The following SLC1A1 variants were observed in gnomAD, a reference collection of about 807,000 sequenced individuals.
SLC1A1 encodes solute carrier family 1 member 1.
In SLC1A1, 43 loss-of-function variants were observed where a neutral mutation model predicts 53.3. That is an observed-to-expected ratio of 0.81 (90% CI 0.63 to 1.04). The LOEUF (loss-of-function observed/expected upper bound fraction) is 1.04, where lower values mean the gene tolerates loss of function less well. SLC1A1 is among the 50% of genes least tolerant of loss of function. The pLI is 0.00. For missense variants in SLC1A1, 748 were observed against 664.9 expected, an observed-to-expected ratio of 1.12 and a Z score of -1.37; for synonymous variants, 307 against 243.2, an observed-to-expected ratio of 1.26 and a Z score of -2.44.
At chr9:4,536,329 A>G (rs1816670971) in intron 1 of SLC1A1, among the ~76,000 whole-genome samples, 1 of 142,318 alleles carries the variant, frequency 7.0e-6, no homozygotes, top group African/African-American at 2.6e-5. Flanking sequence ...ATATACAATG[A>G]ACTCAAACAA....
intron 1 of SLC1A1, among the ~76,000 whole-genome samples, chr9:4,504,922 G>A (rs1327508666): frequency 3.9e-5 from 6 of 152,046 alleles, no homozygotes; most frequent in Non-Finnish European, 8.8e-5. Flanking sequence ...ACCAAAACAA[G>A]TGGTAAATAA....
At chr9:4,537,588 T>TAAA (rs1554679405) in intron 1 of SLC1A1, among the ~76,000 whole-genome samples, 1 of 22,824 alleles carries the variant, frequency 4.4e-5, no homozygotes, top group Non-Finnish European at 1.0e-4. Context: ...TAAAATAAAA[T>TAAA]AAAATAAAAT....
At chr9:4,545,589 C>T (rs182989336) in intron 2 of SLC1A1, among the ~76,000 whole-genome samples, 72 of 152,340 alleles carry the variant, frequency 4.7e-4, no homozygotes, top group African/African-American at 1.7e-3. Flanking sequence ...TACCCACTTT[C>T]TACTCAAAGC....
intron 1 of SLC1A1, among the ~76,000 whole-genome samples, chr9:4,542,263 T>C (rs10815014): frequency 0.086 from 13,124 of 152,162 alleles, 732 homozygotes; most frequent in African/African-American, 0.16. Flanking sequence ...ACAAGCTTGA[T>C]AGAAAGTTGT....
chr9:4,566,140 A>G (rs1300346376), intron 5 of SLC1A1, 51 bp downstream of exon 5: 1 of 1,505,960 alleles, frequency 6.6e-7, no homozygotes, highest in South Asian at 1.1e-5. Flanking sequence ...CCCATTATCA[A>G]TTAAAAATGT....
At chr9:4,580,214 G>C (rs1279485087) in intron 10 of SLC1A1, among the ~76,000 whole-genome samples, 3 of 151,306 alleles carry the variant, frequency 2.0e-5, no homozygotes, top group Non-Finnish European at 2.9e-5. Context: ...CTAGGCAACA[G>C]AGTGAGATTC....
chr9:4,553,373 T>TG (rs1818101098), intron 2 of SLC1A1: 1 of 150,278 alleles, frequency 6.7e-6, no homozygotes, highest in Non-Finnish European at 1.4e-5. Context: ...TCTTTTTTTT[T>TG]TTTTTTTTTT....
Position 4,566,056 on chromosome 9 carries a change from C to T in SLC1A1, c.450C>T (p.Phe150=), listed in dbSNP as rs1819457008. ...TTTATGTCTCCAACAGGAATATGTT[C>T]CCTGAGAATCTTGTCCAGGCCTGTT... The part of the protein sequence containing the change: ...DAMLDLIRNM[F]PENLVQACFQ... Residue 150 remains phenylalanine (F), a synonymous_variant, in exon 5 of 12, where the codon TTC becomes TTT. Transcript: ENST00000262352. 7.4e-6 allele frequency: 12 copies of T among 1,613,072 alleles called. No individual in the cohort carries two copies. The highest frequency in any genetic ancestry group is 1.0e-5 in the Non-Finnish European group (12 of 1,179,108).
intron 3 of SLC1A1, among the ~76,000 whole-genome samples, chr9:4,562,496 T>C (rs1171665897): frequency 6.6e-6 from 1 of 152,232 alleles, no homozygotes; most frequent in Non-Finnish European, 1.5e-5. Flanking sequence ...TAACAGCTAA[T>C]AGATCCTTGT....
intron 1 of SLC1A1, among the ~76,000 whole-genome samples, chr9:4,491,797 C>T (rs1177921053): frequency 6.6e-6 from 1 of 152,232 alleles, no homozygotes; most frequent in Non-Finnish European, 1.5e-5. Flanking sequence ...GAAACTGCAG[C>T]TGTGTTTGCT....
At chr9:4,530,273 G>A (rs1816418005) in intron 1 of SLC1A1, among the ~76,000 whole-genome samples, 1 of 152,136 alleles carries the variant, frequency 6.6e-6, no homozygotes, top group African/African-American at 2.4e-5. Context: ...TGTGGATAAA[G>A]TCTGGATAAC....
intron 1 of SLC1A1, among the ~76,000 whole-genome samples, chr9:4,525,314 A>C (rs570575947): frequency 1.3e-5 from 2 of 152,332 alleles, no homozygotes; most frequent in Admixed American, 6.5e-5. Context: ...CCCTCAGTGC[A>C]TCATCTAAAT....
chr9:4,496,016 T>G (rs1820402722), intron 1 of SLC1A1, among the ~76,000 whole-genome samples: 1 of 151,912 alleles, frequency 6.6e-6, no homozygotes, highest in South Asian at 2.1e-4. Flanking sequence ...AGGAGACAAA[T>G]GTGGAGTGGA....
intron 1 of SLC1A1, among the ~76,000 whole-genome samples, chr9:4,498,307 T>A (rs558798353): frequency 6.6e-6 from 1 of 152,328 alleles, no homozygotes; most frequent in East Asian, 1.9e-4. Context: ...ATTACCATGG[T>A]AATATGTTCT....
At chr9:4,491,794 C>T (rs1458199443) in intron 1 of SLC1A1, among the ~76,000 whole-genome samples, 2 of 152,224 alleles carry the variant, frequency 1.3e-5, no homozygotes, top group Non-Finnish European at 2.9e-5. Flanking sequence ...TTGGAAACTG[C>T]AGCTGTGTTT....
chr9:4,574,374 G>A (rs568780410), intron 8 of SLC1A1, among the ~76,000 whole-genome samples: 3 of 152,292 alleles, frequency 2.0e-5, no homozygotes, highest in South Asian at 4.1e-4. Flanking sequence ...AGCAAGAATA[G>A]CCTCCATGTA....
At chr9:4,544,848 C>G in intron 2 of SLC1A1, 141 bp downstream of exon 2, 1 of 761,954 alleles carries the variant, frequency 1.3e-6, no homozygotes, top group Non-Finnish European at 2.2e-6. Flanking sequence ...TCAGGAAACT[C>G]ACAATCATGG....
chr9:4,505,166 C>T (rs1366642671), intron 1 of SLC1A1, among the ~76,000 whole-genome samples: 1 of 151,292 alleles, frequency 6.6e-6, no homozygotes, highest in African/African-American at 2.4e-5. Context: ...CCTGCCTCAG[C>T]CTCCCAAGTA....
intron 2 of SLC1A1, chr9:4,559,724 T>C (rs1349881121): frequency 6.6e-6 from 1 of 152,218 alleles, no homozygotes; most frequent in Non-Finnish European, 1.5e-5. Flanking sequence ...CTCATGCGTG[T>C]TGAATATGCA....
Sources: gnomAD v4.1 joint callset for allele counts (sites outside exome capture counted in the v4.1 genomes callset) on GRCh38, gnomAD v4.1.1 for gene constraint, MANE v1.5 for transcripts, NCBI Gene and HGNC (gene_info 2026-07-23, HGNC 2026-07-21) for gene names.